PLXDC2: variants seen among roughly 807,000 people sequenced by gnomAD.
PLXDC2 encodes plexin domain containing 2, also known as plexin domain-containing protein 2.
In PLXDC2, 40 loss-of-function variants were observed where a neutral mutation model predicts 68.9. The ratio of observed to expected loss-of-function variants is 0.58; its 90% CI spans 0.45 to 0.76. The LOEUF is 0.76. Among genes scored for constraint, PLXDC2 ranks in the 30% least tolerant of loss-of-function variants. The pLI is 0.00. For missense variants in PLXDC2, 644 were observed against 661.9 expected, an observed-to-expected ratio of 0.97 and a Z score of 0.30; for synonymous variants, 243 against 234.2, an observed-to-expected ratio of 1.04 and a Z score of -0.34.
Position 20,028,050 on chromosome 10 carries a change from G to A in PLXDC2, c.325-18819G>A, listed in dbSNP as rs538290601. The stretch of plus-strand genomic sequence containing the variant: ...TCTTACATTTTGATCACTCTTTAAG[G>A]ATAAATTGAAATACTTTATAGATTT... On this transcript the variant is annotated intron_variant, in intron 2 of 13. Transcript: ENST00000377252. Among the ~76,000 whole-genome samples the A allele has an allele frequency of 2.0e-5, 3 of 152,304 alleles. No individual in the cohort carries two copies. The East Asian group carries it at 5.8e-4, about 29-fold the overall frequency.
intron 1 of PLXDC2, among the ~76,000 whole-genome samples, chr10:19,974,547 C>G (rs1555873): frequency 0.18 from 26,671 of 152,108 alleles, 2,407 homozygotes; most frequent in Middle Eastern, 0.21. Context: ...CAAGAATTAT[C>G]TTGTATGTGG....
chr10:20,074,578 T>C (rs1836402758), intron 4 of PLXDC2, among the ~76,000 whole-genome samples: 2 of 152,148 alleles, frequency 1.3e-5, no homozygotes, highest in African/African-American at 4.8e-5. Flanking sequence ...TTATCTTCAT[T>C]AGCTTTTCAG....
In PLXDC2 at chr10:20,154,575, A is replaced by AT. The variant is rs1410422395; in HGVS notation, c.783+6673_783+6674insT. ...GGAGACTCTGTCTCAAAAAAAAAAA[A>AT]AAATGTATTTAAAAAATCCTGGAGA... On this transcript the variant is annotated intron_variant, in intron 6 of 13. Transcript: ENST00000377252. Among the ~76,000 whole-genome samples the AT allele has an allele frequency of 2.0e-5, 3 of 151,908 alleles. No homozygotes were observed. In the East Asian group the frequency reaches 5.8e-4, roughly 29 times the overall value.
At chr10:20,102,044 C>G (rs1019927913) in intron 4 of PLXDC2, among the ~76,000 whole-genome samples, 2 of 152,200 alleles carry the variant, frequency 1.3e-5, no homozygotes, top group Admixed American at 1.3e-4. Context: ...TCATTTGATC[C>G]TCCCGCCTCG....
rs149225680 is a variant in PLXDC2 at position 20,261,630 on chromosome 10, G to A, written c.1473+16125G>A. On this transcript the variant is annotated intron_variant, in intron 13 of 13. Transcript: ENST00000377252. ...TGCAGTTTGGGAGGCTGAGGCGGAC[G>A]GATCACCTGAGGCTGGGAGTTTGAG... Among the ~76,000 whole-genome samples, 729 of 152,192 alleles carry A rather than the reference G, an allele frequency of 4.8e-3. 8 individuals carry two copies. The highest frequency in any genetic ancestry group is 0.014 in the African/African-American group (582 of 41,512).
intron 4 of PLXDC2, among the ~76,000 whole-genome samples, chr10:20,080,344 G>A (rs1489490722): frequency 1.4e-5 from 2 of 145,846 alleles, no homozygotes; most frequent in East Asian, 2.1e-4. Flanking sequence ...TGATCAAAAG[G>A]CGAAGTCCCC....
At chr10:19,977,246 G>C (rs1328349057) in intron 1 of PLXDC2, among the ~76,000 whole-genome samples, 1 of 152,142 alleles carries the variant, frequency 6.6e-6, no homozygotes, top group Non-Finnish European at 1.5e-5. Context: ...GAGATTCTGG[G>C]ACCTCCCACT....
intron 4 of PLXDC2, among the ~76,000 whole-genome samples, chr10:20,113,872 C>A (rs1277923493): frequency 6.6e-6 from 1 of 152,076 alleles, no homozygotes; most frequent in Non-Finnish European, 1.5e-5. Context: ...ATGCATGTAA[C>A]CCCAGCACTT....
At chr10:20,136,384 G>T (rs948417328) in intron 4 of PLXDC2, among the ~76,000 whole-genome samples, 1 of 152,168 alleles carries the variant, frequency 6.6e-6, no homozygotes, top group South Asian at 2.1e-4. Context: ...GTAGTTTATA[G>T]TATATGACCT....
chr10:20,131,103 G>T (rs1378434538), intron 4 of PLXDC2, among the ~76,000 whole-genome samples: 2 of 151,790 alleles, frequency 1.3e-5, no homozygotes, highest in Admixed American at 6.6e-5. Flanking sequence ...GTAAAGCCAT[G>T]AGGTCCTGAG....
intron 12 of PLXDC2, among the ~76,000 whole-genome samples, chr10:20,239,168 G>A (rs1432537148): frequency 6.6e-6 from 1 of 152,128 alleles, no homozygotes; most frequent in Non-Finnish European, 1.5e-5. Flanking sequence ...TACTAAGTAT[G>A]TGAGAAAGAT....
At chr10:19,986,118 G>T (rs1294697124) in intron 1 of PLXDC2, among the ~76,000 whole-genome samples, 1 of 152,164 alleles carries the variant, frequency 6.6e-6, no homozygotes, top group African/African-American at 2.4e-5. Flanking sequence ...AATTTACATC[G>T]AATTGAGGAG....
At chr10:20,267,862 G>C (rs917375455) in intron 13 of PLXDC2, among the ~76,000 whole-genome samples, 10 of 149,300 alleles carry the variant, frequency 6.7e-5, no homozygotes, top group Admixed American at 2.7e-4. Context: ...TATTTTTGAA[G>C]TGTTGCAAAC....
At chr10:20,039,666 T>G (rs1835644003) in intron 2 of PLXDC2, among the ~76,000 whole-genome samples, 1 of 152,140 alleles carries the variant, frequency 6.6e-6, no homozygotes, top group African/African-American at 2.4e-5. Context: ...AATTAATACC[T>G]TTGAGCATCT....
At chr10:19,879,927 T>C (rs2131349769) in intron 1 of PLXDC2, among the ~76,000 whole-genome samples, 1 of 152,308 alleles carries the variant, frequency 6.6e-6, no homozygotes, top group East Asian at 1.9e-4. Context: ...AAAAATATTA[T>C]GGTGAGTTTT....
chr10:20,070,120 T>G (rs1382145981), intron 4 of PLXDC2, among the ~76,000 whole-genome samples: 1 of 152,148 alleles, frequency 6.6e-6, no homozygotes, highest in East Asian at 1.9e-4. Context: ...AATGGTATCT[T>G]TACCAAAAAA....
At chr10:20,115,198 T>C (rs1833606446) in intron 4 of PLXDC2, among the ~76,000 whole-genome samples, 1 of 152,166 alleles carries the variant, frequency 6.6e-6, no homozygotes, top group Non-Finnish European at 1.5e-5. Flanking sequence ...GGAGTGTTCA[T>C]GTCAAGTCTT....
At chr10:19,961,859 G>A (rs1223589661) in intron 1 of PLXDC2, among the ~76,000 whole-genome samples, 1 of 152,172 alleles carries the variant, frequency 6.6e-6, no homozygotes, top group East Asian at 1.9e-4. Context: ...CCCTCAAAAT[G>A]ATGACACATT....
At chr10:20,156,701 T>C (rs1482575929) in intron 6 of PLXDC2, among the ~76,000 whole-genome samples, 1 of 152,186 alleles carries the variant, frequency 6.6e-6, no homozygotes, top group Non-Finnish European at 1.5e-5. Flanking sequence ...GATCGTTTGA[T>C]GATAGCTCAC....
Sources: gnomAD v4.1 joint callset for allele counts (sites outside exome capture counted in the v4.1 genomes callset) on GRCh38, gnomAD v4.1.1 for gene constraint, MANE v1.5 for transcripts, NCBI Gene and HGNC (gene_info 2026-07-23, HGNC 2026-07-21) for gene names.